The following ROBO2 variants were observed in gnomAD, a reference collection of about 807,000 sequenced individuals.
ROBO2 encodes roundabout homolog 2.
In ROBO2, 53 loss-of-function variants were observed where a neutral mutation model predicts 160.8. That is an observed-to-expected ratio of 0.33 (90% CI 0.26 to 0.41). The LOEUF is 0.41. Among genes scored for constraint, ROBO2 ranks in the 10% least tolerant of loss-of-function variants. The pLI is 1.00. For missense variants in ROBO2, 1,577 were observed against 1,722.4 expected, an observed-to-expected ratio of 0.92 and a Z score of 1.49; for synonymous variants, 664 against 611.7, an observed-to-expected ratio of 1.09 and a Z score of -1.26.
chr3:76,737,140 T>G (rs1180748503), intron 2 of ROBO2, among the ~76,000 whole-genome samples: 1 of 152,230 alleles, frequency 6.6e-6, no homozygotes, highest in Non-Finnish European at 1.5e-5. Context: ...GATTGGAAAC[T>G]AATATAGTGT....
chr3:76,840,436 C>T (rs527581022), intron 2 of ROBO2, among the ~76,000 whole-genome samples: 2 of 151,048 alleles, frequency 1.3e-5, no homozygotes, highest in South Asian at 2.1e-4. Context: ...GGTGAAACCC[C>T]GTCTCTACTA....
At chr3:76,916,869 G>A (rs1298067560) in intron 2 of ROBO2, among the ~76,000 whole-genome samples, 1 of 152,088 alleles carries the variant, frequency 6.6e-6, no homozygotes, top group Admixed American at 6.5e-5. Flanking sequence ...ACACACAGTT[G>A]CTTTTTCTTT....
chr3:76,854,306 T>C (rs918343635), intron 2 of ROBO2, among the ~76,000 whole-genome samples: 2 of 152,156 alleles, frequency 1.3e-5, no homozygotes, highest in Non-Finnish European at 2.9e-5. Context: ...GCTGTTATAA[T>C]GTAGGTTGCA....
chr3:76,709,281 T>C (rs559596206), intron 2 of ROBO2, among the ~76,000 whole-genome samples: 1 of 152,350 alleles, frequency 6.6e-6, no homozygotes, highest in Admixed American at 6.5e-5. Context: ...CTATTGGCAT[T>C]GGTTCAGCAG....
rs575032865 is a variant in ROBO2, at chr3:76,836,437, T to A, written c.110-261577T>A. Among the ~76,000 whole-genome samples, 388 of 107,126 alleles carry A rather than the reference T, an allele frequency of 3.6e-3. 3 individuals carry two copies. Among genetic ancestry groups the A allele is most frequent in the African/African-American group, 0.014 (382 of 27,952 alleles). The allele number at this position is 107,126 out of a possible 152,430, so 70.3% of individuals were successfully genotyped here. A position where few individuals can be genotyped will look rare whatever the true frequency, so the allele number is the denominator to read the frequency against. Reference sequence around the variant, plus strand: ...TTTACAGTATGTGTTAATTTTTTTGTTTTTTTTTTTTAGATTCTTGAATTA... The same window carrying A: ...TTTACAGTATGTGTTAATTTTTTTGATTTTTTTTTTTAGATTCTTGAATTA... On this transcript the variant is annotated intron_variant, in intron 2 of 26. Coordinates refer to the ROBO2 transcript ENST00000487694.
At chr3:76,622,235 GAAGAAAGAAAGAAAGAAAGA>G (rs66811756) in intron 2 of ROBO2, among the ~76,000 whole-genome samples, 537 of 44,730 alleles carry the variant, frequency 0.012, 24 homozygotes, top group African/African-American at 0.01. Context: ...AGGAAGGAAG[GAAGAAAGAAAGAAAGAAAGA>G]AAGAAAGAAA....
chr3:76,473,308 G>GC (rs1276580385), intron 2 of ROBO2, among the ~76,000 whole-genome samples: 1 of 152,038 alleles, frequency 6.6e-6, no homozygotes, highest in Non-Finnish European at 1.5e-5. Context: ...AACTCAACAA[G>GC]CCCCTCTTCC....
At chr3:76,820,860 T>C (rs995784570) in intron 2 of ROBO2, among the ~76,000 whole-genome samples, 12 of 151,742 alleles carry the variant, frequency 7.9e-5, no homozygotes, top group Middle Eastern at 3.4e-3. Flanking sequence ...TTCAACAGGG[T>C]TTTTTTTAAT....
At chr3:76,329,679 C>T (rs1033329216) in intron 2 of ROBO2, among the ~76,000 whole-genome samples, 3 of 152,166 alleles carry the variant, frequency 2.0e-5, no homozygotes, top group Non-Finnish European at 2.9e-5. Context: ...GCACGCTCAG[C>T]AAGAATATGC....
chr3:77,050,569 T>TG (rs1491163580), intron 1 of ROBO2, among the ~76,000 whole-genome samples: 8 of 3,364 alleles, frequency 2.4e-3, no homozygotes, highest in Admixed American at 6.1e-3. Context: ...CTTTTGTGTG[T>TG]TTTTTTTTTT....
exon 12 of ROBO2, chr3:77,565,039 A>G (rs1023797301): frequency 5.6e-6 from 9 of 1,613,716 alleles, no homozygotes; most frequent in South Asian, 1.1e-5. Flanking sequence ...GCCCAATACA[A>G]TCTACTTATT....
At chr3:77,295,701 A>G (rs537284873) in intron 2 of ROBO2, among the ~76,000 whole-genome samples, 4 of 150,852 alleles carry the variant, frequency 2.7e-5, no homozygotes, top group East Asian at 2.0e-4. Flanking sequence ...AGTTGAGGCT[A>G]GATCACTAAA....
At chr3:76,644,245 C>T (rs1260448576) in intron 2 of ROBO2, among the ~76,000 whole-genome samples, 1 of 152,176 alleles carries the variant, frequency 6.6e-6, no homozygotes, top group African/African-American at 2.4e-5. Flanking sequence ...ATGACTGAAA[C>T]TATCCACATT....
Position 76,506,227 on chromosome 3 carries a change from C to T in ROBO2, c.109+568625C>T, listed in dbSNP as rs1272316651. On this transcript the variant is annotated intron_variant, in intron 2 of 26. Transcript: ENST00000487694. ...TCTTGCTTTTAAAAAATATATACAC[C>T]ATAGAAATTTATTACTCATGATTCT... Among the ~76,000 whole-genome samples the T allele has an allele frequency of 2.0e-5, 3 of 152,202 alleles. No individual in the cohort carries two copies. In the East Asian group the frequency reaches 5.8e-4, roughly 29 times the overall value.
At chr3:76,730,370 G>C (rs28494202) in intron 2 of ROBO2, among the ~76,000 whole-genome samples, 17 of 42,288 alleles carry the variant, frequency 4.0e-4, no homozygotes, top group African/African-American at 2.1e-3. Flanking sequence ...CTACCCGCTT[G>C]TCCTCACCTC....
intron 2 of ROBO2, among the ~76,000 whole-genome samples, chr3:76,155,913 T>C (rs2072388265): frequency 6.6e-6 from 1 of 152,190 alleles, no homozygotes; most frequent in African/African-American, 2.4e-5. Flanking sequence ...CCTTTGTCTG[T>C]AGGCAATTTT....
chr3:76,272,777 TA>T (rs1559705376), intron 2 of ROBO2, among the ~76,000 whole-genome samples: 5 of 23,848 alleles, frequency 2.1e-4, no homozygotes, highest in South Asian at 2.3e-3. Flanking sequence ...TATTTATATA[TA>T]AAATATATAA....
intron 2 of ROBO2, among the ~76,000 whole-genome samples, chr3:76,137,065 T>C (rs2071453896): frequency 2.0e-5 from 3 of 152,014 alleles, no homozygotes; most frequent in South Asian, 4.1e-4. Context: ...TACCACAAAT[T>C]CAGTGGCTTA....
exon 1 of ROBO2, chr3:77,040,419 C>A (rs2063975588): frequency 1.9e-6 from 2 of 1,046,174 alleles, no homozygotes; most frequent in Non-Finnish European, 2.3e-6. Context: ...TTTCCTCCCC[C>A]TTCATCATCT....
Sources: gnomAD v4.1 joint callset for allele counts (sites outside exome capture counted in the v4.1 genomes callset) on GRCh38, gnomAD v4.1.1 for gene constraint, MANE v1.5 for transcripts, NCBI Gene and HGNC (gene_info 2026-07-23, HGNC 2026-07-21) for gene names.